Variants in GFRA2 observed in about 807,000 individuals in gnomAD.
The protein encoded by GFRA2 is GDNF family receptor alpha 2.
Under a neutral mutation model 48.3 loss-of-function variants are expected in GFRA2, and 17 were observed. That is an observed-to-expected ratio of 0.35 (90% CI 0.24 to 0.53). GFRA2 has a LOEUF of 0.53. Ranked by LOEUF, GFRA2 falls within the 20% of genes least tolerant of loss-of-function variation. GFRA2 has a pLI of 0.93. For missense variants in GFRA2, 660 were observed against 637.3 expected, an observed-to-expected ratio of 1.04 and a Z score of -0.38; for synonymous variants, 305 against 257.2, an observed-to-expected ratio of 1.19 and a Z score of -1.78.
intron 3 of GFRA2, among the ~76,000 whole-genome samples, chr8:21,757,649 C>G (rs1427694577): frequency 6.6e-6 from 1 of 152,152 alleles, no homozygotes; most frequent in Non-Finnish European, 1.5e-5. Context: ...GCGCCTGCCA[C>G]CACACTCAGC....
chr8:21,709,184 C>T (rs577612805), intron 4 of GFRA2, among the ~76,000 whole-genome samples: 3 of 152,234 alleles, frequency 2.0e-5, no homozygotes, highest in Admixed American at 6.5e-5. Context: ...ATGCAGGAGT[C>T]CATTCTAACG....
chr8:21,713,783 A>G (rs1043393489), intron 4 of GFRA2, among the ~76,000 whole-genome samples: 1 of 152,174 alleles, frequency 6.6e-6, no homozygotes, highest in South Asian at 2.1e-4. Context: ...TCTGCACCTT[A>G]ACAAGCCCTC....
chr8:21,697,317 G>A (rs1211380487), intron 7 of GFRA2, among the ~76,000 whole-genome samples: 1 of 151,864 alleles, frequency 6.6e-6, no homozygotes, highest in Non-Finnish European at 1.5e-5. Context: ...GGAGGCAACA[G>A]AGGGCAGGGG....
intron 2 of GFRA2, among the ~76,000 whole-genome samples, chr8:21,804,704 G>A (rs1381437716): frequency 6.6e-6 from 1 of 152,188 alleles, no homozygotes; most frequent in Non-Finnish European, 1.5e-5. Context: ...TTTCTGCTAA[G>A]TGGGGCAGCG....
chr8:21,751,182 G>A (rs1464738251), intron 3 of GFRA2, among the ~76,000 whole-genome samples: 1 of 152,198 alleles, frequency 6.6e-6, no homozygotes, highest in Non-Finnish European at 1.5e-5. Flanking sequence ...CTGGTGCAGG[G>A]TGAGCTGTAC....
At chr8:21,761,222 C>T (rs758442190) in intron 3 of GFRA2, among the ~76,000 whole-genome samples, 18 of 152,176 alleles carry the variant, frequency 1.2e-4, no homozygotes, top group African/African-American at 4.3e-4. Context: ...AACCCCAGCC[C>T]GCCCTCAAGA....
chr8:21,742,255 G>T (rs974519637), intron 4 of GFRA2, among the ~76,000 whole-genome samples: 4 of 152,180 alleles, frequency 2.6e-5, no homozygotes, highest in Non-Finnish European at 5.9e-5. Flanking sequence ...AGGGTTAGAT[G>T]AGGTCATGGC....
intron 3 of GFRA2, among the ~76,000 whole-genome samples, chr8:21,763,622 T>C (rs1355036167): frequency 2.0e-5 from 3 of 152,062 alleles, no homozygotes; most frequent in Non-Finnish European, 4.4e-5. Flanking sequence ...TCCAAATCCC[T>C]GCTGAAAGGT....
rs569862443 is a variant in GFRA2, at chr8:21,754,116, C to T, written c.440-3174G>A. Reference sequence around the variant, plus strand: ...ATGCACATTCCATGTACCCCTACTCCGACCTATTTTTCCCACAGCACTCAT... The same window carrying T: ...ATGCACATTCCATGTACCCCTACTCTGACCTATTTTTCCCACAGCACTCAT... On this transcript the variant is annotated intron_variant, in intron 3 of 8. Coordinates refer to ENST00000524240, the MANE Select transcript of GFRA2 (RefSeq NM_001495.5). Among the ~76,000 whole-genome samples, 29 of 152,334 alleles carry T rather than the reference C, an allele frequency of 1.9e-4. No homozygotes were observed. In the South Asian group the frequency reaches 5.2e-3, roughly 27 times the overall value.
intron 7 of GFRA2, among the ~76,000 whole-genome samples, chr8:21,695,893 G>A (rs1274347032): frequency 6.6e-6 from 1 of 152,080 alleles, no homozygotes; most frequent in Non-Finnish European, 1.5e-5. Flanking sequence ...TGGAGTCTGT[G>A]CCTGTGGCCT....
Position 21,728,683 on chromosome 8 carries a change from C to A in GFRA2, c.794+21905G>T, listed in dbSNP as rs535962086. ...TGGACAATGCAGCCCTCAGAATAGG[C>A]CCTGCTTCAAGTTTCTGCTCGACCT... On this transcript the variant is annotated intron_variant, in intron 4 of 8. Coordinates refer to ENST00000524240, the MANE Select transcript of GFRA2 (RefSeq NM_001495.5). 3.1e-4 allele frequency among the ~76,000 whole-genome samples: 47 copies of A among 152,294 alleles called. 1 individual carries two copies. The highest frequency in any genetic ancestry group is 5.1e-4 in the Non-Finnish European group (35 of 68,030).
At chr8:21,696,919 A>C (rs1802206822) in intron 7 of GFRA2, among the ~76,000 whole-genome samples, 1 of 118,292 alleles carries the variant, frequency 8.5e-6, no homozygotes, top group Admixed American at 9.2e-5. Flanking sequence ...GAGGGGACAT[A>C]GTAGAGGGAA....
chr8:21,718,360 G>A (rs28642730), intron 4 of GFRA2, among the ~76,000 whole-genome samples: 15,005 of 152,196 alleles, frequency 0.099, 1,298 homozygotes, highest in African/African-American at 0.23. Context: ...ATATGGAACC[G>A]TAAGTCCGGT....
intron 6 of GFRA2, among the ~76,000 whole-genome samples, chr8:21,703,291 A>C (rs967609427): frequency 2.6e-5 from 4 of 152,002 alleles, no homozygotes; most frequent in Non-Finnish European, 4.4e-5. Flanking sequence ...AGCCTAGGGG[A>C]GGAGGGGGCC....
chr8:21,701,569 T>G (rs1224078987), intron 7 of GFRA2, among the ~76,000 whole-genome samples: 1 of 152,144 alleles, frequency 6.6e-6, no homozygotes. Context: ...CCAGACTGAC[T>G]TAGTCTGTAG....
Position 21,808,759 on chromosome 8 carries a change from C to T in GFRA2, c.-148+3472G>A, listed in dbSNP as rs183247719. 1.1e-4 allele frequency among the ~76,000 whole-genome samples: 17 copies of T among 152,354 alleles called. No individual in the cohort carries two copies. In the East Asian group the frequency reaches 3.3e-3, roughly 29 times the overall value. ...GGGCCCTAGGGCCACGTGGATGGCC[C>T]GCTTCAGGGTCTGAGCTTCCCACAC... On this transcript the variant is annotated intron_variant, in intron 1 of 10. Coordinates refer to the GFRA2 transcript ENST00000517328.
chr8:21,810,797 TGTAA>T (rs1432147061), intron 1 of GFRA2, among the ~76,000 whole-genome samples: 1 of 151,974 alleles, frequency 6.6e-6, no homozygotes, highest in Non-Finnish European at 1.5e-5. Flanking sequence ...GGCACTGAGG[TGTAA>T]GTGAGGCTCC....
chr8:21,694,448 TC>T lies in GFRA2; in HGVS notation c.1272+15del. Reference sequence around the variant, plus strand: ...CCCAGCCTTCTGCACCCATCCCCACTCTGCCCCCAACTCACCTCTGTGAAGC... The same window carrying T: ...CCCAGCCTTCTGCACCCATCCCCACTTGCCCCCAACTCACCTCTGTGAAGC... On this transcript the variant is annotated intron_variant, in intron 8 of 8. Coordinates refer to ENST00000524240, the MANE Select transcript of GFRA2 (RefSeq NM_001495.5). 1 of 1,610,282 alleles carries T rather than the reference TC, an allele frequency of 6.2e-7. No homozygotes were observed. Among genetic ancestry groups the T allele is most frequent in the Non-Finnish European group, 8.5e-7 (1 of 1,178,862 alleles).
rs564465946 is a variant in GFRA2 at position 21,714,115 on chromosome 8, A to G, written c.795-8074T>C. Among the ~76,000 whole-genome samples the G allele has an allele frequency of 4.6e-5, 7 of 152,266 alleles. No homozygotes were observed. The East Asian group carries it at 1.4e-3, about 29-fold the overall frequency. On this transcript the variant is annotated intron_variant, in intron 4 of 8. Coordinates refer to ENST00000524240, the MANE Select transcript of GFRA2 (RefSeq NM_001495.5). ...GGAAGTATACAGGAAATTGTTATTA[A>G]TAAAACCTCCCCTGGTCCAGGCTGT...
Sources: gnomAD v4.1 joint callset for allele counts (sites outside exome capture counted in the v4.1 genomes callset) on GRCh38, gnomAD v4.1.1 for gene constraint, MANE v1.5 for transcripts, NCBI Gene and HGNC (gene_info 2026-07-23, HGNC 2026-07-21) for gene names.